The following LIFR variants were observed in gnomAD, a reference collection of about 807,000 sequenced individuals.
LIFR encodes leukemia inhibitory factor receptor.
In LIFR, 84 loss-of-function variants were observed where a neutral mutation model predicts 122.2. That is an observed-to-expected ratio of 0.69 (90% confidence interval 0.58 to 0.82). The LOEUF is 0.82. LIFR is among the 40% of genes least tolerant of loss of function. The pLI is 0.00. For synonymous variants in LIFR, 422 were observed against 434.7 expected (o/e 0.97, Z 0.36); for missense variants, 1,294 against 1,311.6 (o/e 0.99, Z 0.21).
At chr5:38,553,224 A>G (rs1436997486) in intron 1 of LIFR, among the ~76,000 whole-genome samples, 1 of 152,062 alleles carries the variant, frequency 6.6e-6, no homozygotes, top group Non-Finnish European at 1.5e-5. Flanking sequence ...CTCCAAAATC[A>G]TAGGCTTCTT....
chr5:38,547,629 A>G (rs1423836679), intron 1 of LIFR, among the ~76,000 whole-genome samples: 2 of 152,228 alleles, frequency 1.3e-5, no homozygotes, highest in African/African-American at 4.8e-5. Context: ...AAAAGTCCCT[A>G]CATAAAACTA....
intron 1 of LIFR, among the ~76,000 whole-genome samples, chr5:38,561,886 T>C (rs1748851637): frequency 6.6e-6 from 1 of 152,216 alleles, no homozygotes; most frequent in South Asian, 2.1e-4. Context: ...TTCACTTCAT[T>C]GTTTAATTTG....
intron 12 of LIFR, among the ~76,000 whole-genome samples, chr5:38,497,523 A>G (rs1332244583): frequency 2.0e-5 from 3 of 152,228 alleles, no homozygotes; most frequent in African/African-American, 7.2e-5. Flanking sequence ...CAAACAAAAC[A>G]TTTTAAAAAA....
intron 5 of LIFR, among the ~76,000 whole-genome samples, chr5:38,517,551 C>T (rs1746149886): frequency 6.6e-6 from 1 of 152,012 alleles, no homozygotes; most frequent in South Asian, 2.1e-4. Flanking sequence ...TGAGAGTCTG[C>T]AGGCTGAATT....
intron 1 of LIFR, among the ~76,000 whole-genome samples, chr5:38,565,864 G>A (rs975957537): frequency 2.6e-5 from 4 of 152,148 alleles, no homozygotes; most frequent in Non-Finnish European, 5.9e-5. Context: ...GATTACAGGC[G>A]TGAGCCACTG....
chr5:38,496,860 C>T (rs922748973), intron 12 of LIFR, among the ~76,000 whole-genome samples: 1 of 151,946 alleles, frequency 6.6e-6, no homozygotes, highest in Admixed American at 6.6e-5. Context: ...GCCTGTAATC[C>T]CAGCTACTTG....
intron 4 of LIFR, among the ~76,000 whole-genome samples, chr5:38,524,143 TTCTC>T (rs770190590): frequency 1.3e-5 from 2 of 152,190 alleles, no homozygotes; most frequent in African/African-American, 2.4e-5. Context: ...TGGTAAAGGC[TTCTC>T]TCTGTTTTCT....
At chr5:38,563,858 A>G (rs72742555) in intron 1 of LIFR, among the ~76,000 whole-genome samples, 51,222 of 152,070 alleles carry the variant, frequency 0.34, 10,192 homozygotes, top group Middle Eastern at 0.47. Flanking sequence ...GCTATGTTCC[A>G]CTTCAGTGCT....
At chr5:38,541,627 T>C (rs530812628) in intron 1 of LIFR, among the ~76,000 whole-genome samples, 29 of 152,328 alleles carry the variant, frequency 1.9e-4, no homozygotes, top group African/African-American at 6.7e-4. Flanking sequence ...TATAGACAGA[T>C]ATCAAAAACT....
intron 1 of LIFR, among the ~76,000 whole-genome samples, chr5:38,553,625 T>C (rs1157802447): frequency 4.1e-4 from 6 of 14,758 alleles, no homozygotes; most frequent in East Asian, 3.2e-3. Context: ...ATTTAAACTA[T>C]ATATATATAT....
At chr5:38,523,394 G>A in intron 5 of LIFR, 25 bp downstream of exon 5, 1 of 1,586,820 alleles carries the variant, frequency 6.3e-7, no homozygotes, top group Non-Finnish European at 8.6e-7. Flanking sequence ...AATGTCATAG[G>A]AAGAAAATCT....
At chr5:38,520,575 G>GT (rs1002230056) in intron 5 of LIFR, among the ~76,000 whole-genome samples, 4 of 152,020 alleles carry the variant, frequency 2.6e-5, no homozygotes, top group Non-Finnish European at 5.9e-5. Flanking sequence ...TCAGTCTTAT[G>GT]TTTAAGTCTT....
At chr5:38,541,509 T>C (rs1028914854) in intron 1 of LIFR, among the ~76,000 whole-genome samples, 1 of 152,176 alleles carries the variant, frequency 6.6e-6, no homozygotes, top group Non-Finnish European at 1.5e-5. Flanking sequence ...ATTAGCAAGG[T>C]AAAGAAATTC....
Position 38,554,286 on chromosome 5 carries a change from T to C in LIFR, c.-20+2048A>G, listed in dbSNP as rs80301578. Among the ~76,000 whole-genome samples the C allele has an allele frequency of 4.2e-3, 642 of 152,334 alleles. 4 individuals are homozygous for C. The highest frequency in any genetic ancestry group is 0.015 in the African/African-American group (611 of 41,576). ...ACAGCAAAGATGCCAAAGACTCTTA[T>C]GGATTACTGTGAAGTTATATAGAAG... On this transcript the variant is annotated intron_variant, in intron 1 of 19. Coordinates refer to ENST00000453190, the MANE Select transcript of LIFR (RefSeq NM_001127671.2).
At chr5:38,489,388 A>G (rs1013395327) in intron 15 of LIFR, 143 bp from the exon 16 acceptor site, 14 of 740,310 alleles carry the variant, frequency 1.9e-5, no homozygotes, top group Non-Finnish European at 3.2e-5. Flanking sequence ...GAGAGAGATG[A>G]TCACAAACGC....
intron 1 of LIFR, among the ~76,000 whole-genome samples, chr5:38,548,049 C>T (rs1747993229): frequency 6.6e-6 from 1 of 151,948 alleles, no homozygotes; most frequent in African/African-American, 2.4e-5. Context: ...TTTATTGCCA[C>T]TCTCTCTCAG....
chr5:38,551,496 C>T (rs1047976631), intron 1 of LIFR, among the ~76,000 whole-genome samples: 2 of 152,194 alleles, frequency 1.3e-5, no homozygotes, highest in Non-Finnish European at 2.9e-5. Context: ...TCCTCGGATT[C>T]AAGGTGTCTT....
chr5:38,526,927 A>G (rs140485392), intron 4 of LIFR, among the ~76,000 whole-genome samples: 1 of 152,278 alleles, frequency 6.6e-6, no homozygotes, highest in African/African-American at 2.4e-5. Context: ...GGCTAAAGAA[A>G]GAGTATGGAA....
At chr5:38,606,769 T>C (rs1212289545) in intron 1 of LIFR, among the ~76,000 whole-genome samples, 1 of 152,168 alleles carries the variant, frequency 6.6e-6, no homozygotes, top group Non-Finnish European at 1.5e-5. Flanking sequence ...CCAAGCCCAA[T>C]ACCTTTCCAT....
Sources: allele counts gnomAD v4.1 joint callset (sites outside exome capture counted in the v4.1 genomes callset), GRCh38; gene constraint gnomAD v4.1.1; transcripts MANE v1.5; gene names NCBI Gene and HGNC (gene_info 2026-07-23, HGNC 2026-07-21).